AKR1A1: variants seen among roughly 807,000 people sequenced by gnomAD.
The protein encoded by AKR1A1 is aldo-keto reductase family 1 member A1, also known as HEL-S-165mP.
A neutral mutation model predicts 39.2 loss-of-function variants in AKR1A1; 26 were observed. The observed-to-expected ratio is 0.66, with a 90% CI of 0.49 to 0.92. The LOEUF (loss-of-function observed/expected upper bound fraction) is 0.92. AKR1A1 is among the 40% of genes least tolerant of loss of function. The pLI, the probability that AKR1A1 is intolerant of heterozygous loss-of-function variation, is 0.00. For synonymous variants in AKR1A1, 141 were observed against 155.5 expected (o/e 0.91, Z 0.69); for missense variants, 378 against 406.5 (o/e 0.93, Z 0.60).
At chr1:45,557,261 T>C (rs1644217545) in intron 1 of AKR1A1, among the ~76,000 whole-genome samples, 1 of 151,978 alleles carries the variant, frequency 6.6e-6, no homozygotes, top group Non-Finnish European at 1.5e-5. Flanking sequence ...AGGCAGTTCC[T>C]GACAAGCTCA....
Position 45,568,125 on chromosome 1 carries a change from G to A in AKR1A1, c.500G>A (p.Arg167Gln), listed in dbSNP as rs767979535. ...CTGGGCCTGTCCAACTTCAACAGTC[G>A]GCAGATTGATGACATACTCAGTGTG... ...QALGLSNFNS[R>Q]QIDDILSVAS... The change falls in exon 5 of 9, where the codon CGG (arginine) becomes CAG (glutamine). Residue 167 changes from arginine to glutamine, a missense_variant. Coordinates refer to ENST00000351829, the MANE Select transcript of AKR1A1 (RefSeq NM_153326.3). The A allele has an allele frequency of 7.4e-6, 12 of 1,614,006 alleles. No homozygotes were observed. The highest frequency in any genetic ancestry group is 1.3e-5 in the African/African-American group (1 of 75,012).
chr1:45,558,935 T>C (rs116744986), intron 1 of AKR1A1, among the ~76,000 whole-genome samples: 1,809 of 152,338 alleles, frequency 0.012, 20 homozygotes, highest in Non-Finnish European at 0.021. Flanking sequence ...CCAAGAGTGA[T>C]ATTCATGGTA....
In AKR1A1 at chr1:45,568,504, T is replaced by G; in HGVS notation, c.572T>G (p.Leu191Trp). The change falls in exon 6 of 9, where the codon TTG becomes TGG. Residue 191 changes from leucine to tryptophan, a missense_variant. By Grantham distance (61) the Leu-to-Trp change is moderately conservative. Coordinates refer to ENST00000351829, the MANE Select transcript of AKR1A1 (RefSeq NM_153326.3). The stretch of plus-strand genomic sequence containing the variant: ...GCTCAGGTGGAATGCCACCCATACT[T>G]GGCTCAAAATGAGCTAATTGCCCAC... Reference protein sequence around the residue: ...AVLQVECHPYLAQNELIAHCQ... With the variant: ...AVLQVECHPYWAQNELIAHCQ... 1 of 1,613,768 alleles carries G rather than the reference T, an allele frequency of 6.2e-7. No individual in the cohort carries two copies. Among genetic ancestry groups the G allele is most frequent in the South Asian group, 1.1e-5 (1 of 91,048 alleles).
chr1:45,566,827 GCTCATGGCTCTT>G, intron 3 of AKR1A1, 30 bp from the exon 4 acceptor site: 1 of 1,605,290 alleles, frequency 6.2e-7, no homozygotes, highest in Admixed American at 1.7e-5. Flanking sequence ...GAGACCACGT[GCTCATGGCTCTT>G]CTCACTGTGG....
chr1:45,557,248 G>A (rs1429234524), intron 1 of AKR1A1, among the ~76,000 whole-genome samples: 2 of 151,932 alleles, frequency 1.3e-5, no homozygotes, highest in Non-Finnish European at 1.5e-5. Flanking sequence ...CAAAGGTCCA[G>A]ATAGGCAGTT....
chr1:45,561,064 T>A (rs1162541093), intron 1 of AKR1A1, among the ~76,000 whole-genome samples: 1 of 152,122 alleles, frequency 6.6e-6, no homozygotes, highest in Non-Finnish European at 1.5e-5. Context: ...CTGGGAACAT[T>A]TATTTCATTC....
intron 2 of AKR1A1, among the ~76,000 whole-genome samples, chr1:45,564,190 G>C (rs1007596106): frequency 6.6e-6 from 1 of 152,136 alleles, no homozygotes; most frequent in African/African-American, 2.4e-5. Context: ...TGGAGCCAGG[G>C]TCCCTGTGCT....
chr1:45,556,341 G>A (rs1397511999), intron 1 of AKR1A1, among the ~76,000 whole-genome samples: 3 of 151,986 alleles, frequency 2.0e-5, no homozygotes, highest in Non-Finnish European at 4.4e-5. Flanking sequence ...CCAGCACATT[G>A]GGCCGAGGTG....
At position 45,561,843 on chromosome 1, in the gene AKR1A1, A is replaced by G; in HGVS notation, c.49A>G (p.Ile17Val). ...LLHTGQKMPLIGLGTWKSEPG... is the reference protein window; with the variant it reads ...LLHTGQKMPLVGLGTWKSEPG... ...GCACACTGGGCAGAAGATGCCTCTG[A>G]TTGGTCTGGGTACCTGGAAGAGTGA... Residue 17 changes from isoleucine to valine, a missense_variant, in exon 2 of 9, where the codon ATT becomes GTT. Physicochemically the swap from Ile to Val is conservative, Grantham distance 29 (BLOSUM62 3). Transcript: ENST00000351829. 6.2e-7 allele frequency: 1 copy of G among 1,614,080 alleles called. No homozygotes were observed. Among genetic ancestry groups the G allele is most frequent in the East Asian group, 2.2e-5 (1 of 44,866 alleles).
At chr1:45,569,806 G>A (rs1408517554) in intron 8 of AKR1A1, 85 bp from the exon 9 acceptor site, 20 of 1,260,910 alleles carry the variant, frequency 1.6e-5, no homozygotes, top group African/African-American at 2.9e-5. Flanking sequence ...AGGTGAGTTT[G>A]TTTAGGAAGA....
intron 1 of AKR1A1, among the ~76,000 whole-genome samples, chr1:45,553,513 A>T (rs1242041814): frequency 2.0e-5 from 3 of 152,198 alleles, no homozygotes; most frequent in East Asian, 3.8e-4. Context: ...TATATATTTT[A>T]AAATTCTTTT....
intron 3 of AKR1A1, 86 bp downstream of exon 3, chr1:45,566,774 C>T: frequency 6.3e-7 from 1 of 1,594,782 alleles, no homozygotes; most frequent in Non-Finnish European, 8.6e-7. Context: ...GGGAATCTGG[C>T]ATCAGCTTCC....
chr1:45,558,396 T>TG (rs1644235671), intron 1 of AKR1A1, among the ~76,000 whole-genome samples: 1 of 81,896 alleles, frequency 1.2e-5, no homozygotes, highest in African/African-American at 6.0e-5. Context: ...GCCCAGCTAA[T>TG]TTTTTTTTTT....
chr1:45,551,322 T>C (rs1483453868), intron 1 of AKR1A1, among the ~76,000 whole-genome samples, 167 bp downstream of exon 1: 1 of 152,226 alleles, frequency 6.6e-6, no homozygotes, highest in Non-Finnish European at 1.5e-5. Context: ...GATCTCTTGC[T>C]AACTTCCCAG....
chr1:45,568,343 G>T (rs1029798521), intron 5 of AKR1A1, 142 bp from the exon 6 acceptor site: 8 of 1,238,114 alleles, frequency 6.5e-6, no homozygotes, highest in Non-Finnish European at 6.8e-6. Flanking sequence ...GAATGAAATT[G>T]CCGATGGGAA....
chr1:45,558,224 T>C (rs2148293691), intron 1 of AKR1A1, among the ~76,000 whole-genome samples: 1 of 150,286 alleles, frequency 6.7e-6, no homozygotes, highest in East Asian at 2.0e-4. Context: ...CCTCAACTTG[T>C]CTTATTATTA....
rs71056306 is a variant in AKR1A1 at position 45,559,634 on chromosome 1, CTTTTTTTTTTTTTTTTTT to C, written c.-6-2145_-6-2128del. 1.5e-4 allele frequency among the ~76,000 whole-genome samples: 11 copies of C among 73,154 alleles called. No homozygotes were observed. In the South Asian group the frequency reaches 5.1e-3, roughly 34 times the overall value. 48.0% of individuals were successfully genotyped at this position (73,154 alleles called of 152,430 possible). On this transcript the variant is annotated intron_variant, in intron 1 of 8. Coordinates refer to ENST00000351829, the MANE Select transcript of AKR1A1 (RefSeq NM_153326.3). ...TGCCACTTCTTTTCTCTTTTCTTTT[CTTTTTTTTTTTTTTTTTT>C]TTTTTTTTTGAGACGGAGTCTCCCT...
At chr1:45,558,809 T>C (rs532639) in intron 1 of AKR1A1, among the ~76,000 whole-genome samples, 109,046 of 151,900 alleles carry the variant, frequency 0.72, 40,025 homozygotes, top group East Asian at 0.99. Flanking sequence ...GGATTACAGG[T>C]GTGAGCCACC....
intron 1 of AKR1A1, among the ~76,000 whole-genome samples, chr1:45,560,963 G>T (rs1028763121): frequency 1.3e-5 from 2 of 152,100 alleles, no homozygotes; most frequent in African/African-American, 4.8e-5. Context: ...TCCTGACCTC[G>T]TGATCCACCC....
Sources: gnomAD v4.1 joint callset for allele counts (sites outside exome capture counted in the v4.1 genomes callset) on GRCh38, gnomAD v4.1.1 for gene constraint, MANE v1.5 for transcripts, NCBI Gene and HGNC (gene_info 2026-07-23, HGNC 2026-07-21) for gene names.